The following WDR26 variants were observed in gnomAD, a reference collection of about 807,000 sequenced individuals.
WDR26 encodes the protein WD repeat domain 26.
WDR26 carries 5 observed loss-of-function variants against 84.1 expected under a neutral mutation model. The ratio of observed to expected loss-of-function variants is 0.06; its 90% CI spans 0.03 to 0.13. The LOEUF (loss-of-function observed/expected upper bound fraction) is 0.13. Among genes scored for constraint, WDR26 ranks in the 10% least tolerant of loss-of-function variants. WDR26 has a pLI of 1.00. For missense variants in WDR26, 642 were observed against 974.9 expected, an observed-to-expected ratio of 0.66 and a Z score of 4.55; for synonymous variants, 415 against 389.6, an observed-to-expected ratio of 1.07 and a Z score of -0.77.
At chr1:224,419,485 A>T in intron 5 of WDR26, 33 bp downstream of exon 5, 1 of 1,511,650 alleles carries the variant, frequency 6.6e-7, no homozygotes, top group Non-Finnish European at 9.2e-7. Context: ...ATCTAAGAGA[A>T]AACACAGCAA....
chr1:224,389,504 G>T lies in WDR26; in HGVS notation c.*331C>A. ...ACTTCATTACACAGAAGAGCAACAA[G>T]AATGGTATCCTGCCAGACAAAAGAC... On this transcript the variant is annotated 3_prime_UTR_variant, in exon 14 of 14. Transcript: ENST00000414423. The T allele has an allele frequency of 5.9e-6, 3 of 505,858 alleles. No homozygotes were observed. In the South Asian group the frequency reaches 1.0e-4, roughly 17 times the overall value. The allele number at this position is 505,858 out of a possible 1,614,324, so 31.3% of individuals were successfully genotyped here.
chr1:224,409,867 A>G (rs1673685401), intron 7 of WDR26, among the ~76,000 whole-genome samples: 1 of 151,070 alleles, frequency 6.6e-6, no homozygotes, highest in South Asian at 2.1e-4. Flanking sequence ...TGTCTCAGAG[A>G]AAAAAAAAGA....
At chr1:224,427,771 T>C (rs1484109492) in intron 3 of WDR26, among the ~76,000 whole-genome samples, 1 of 152,162 alleles carries the variant, frequency 6.6e-6, no homozygotes, top group Non-Finnish European at 1.5e-5. Context: ...TAAAACTGTA[T>C]TTTACCTCCC....
rs1673312183 is a variant in WDR26 at position 224,398,078 on chromosome 1, T to C, written c.2074+19A>G. On this transcript the variant is annotated intron_variant, in intron 12 of 13. Transcript: ENST00000414423. ...GACTTTAATATCAACATATGTAAAC[T>C]GATAAGGACACAATTTACCTTCACT... The C allele has an allele frequency of 1.2e-6, 2 of 1,609,012 alleles. No homozygotes were observed. The highest frequency in any genetic ancestry group is 1.3e-5 in the African/African-American group (1 of 74,646).
In WDR26 at chr1:224,434,361, G is replaced by C; in HGVS notation, c.45C>G (p.Ser15=). Residue 15 remains serine (S), a synonymous_variant, in exon 1 of 14, where the codon TCC becomes TCG. Coordinates refer to ENST00000414423, the MANE Select transcript of WDR26 (RefSeq NM_001379403.1). ...AGGCTCCGCCGGTGTCCGAGTCGGA[G>C]GAGGAGGAAGCGGAGGCCAGAGTTT... 1 of 1,221,744 alleles carries C rather than the reference G, an allele frequency of 8.2e-7. No individual in the cohort carries two copies. Among genetic ancestry groups the C allele is most frequent in the Non-Finnish European group, 1.0e-6 (1 of 982,066 alleles). The allele number at this position is 1,221,744 out of a possible 1,614,324, so 75.7% of individuals were successfully genotyped here.
chr1:224,400,790 C>A (rs1417349214), intron 9 of WDR26, among the ~76,000 whole-genome samples, 160 bp downstream of exon 9: 1 of 152,218 alleles, frequency 6.6e-6, no homozygotes. Context: ...AGGTGATCCA[C>A]CTGCCTCGGC....
At chr1:224,421,260 C>T (rs1025508659) in intron 4 of WDR26, among the ~76,000 whole-genome samples, 1 of 152,086 alleles carries the variant, frequency 6.6e-6, no homozygotes, top group Non-Finnish European at 1.5e-5. Flanking sequence ...GGAAAAAAAT[C>T]ATCATGTGAA....
intron 2 of WDR26, 21 bp from the exon 3 acceptor site, chr1:224,431,602 G>C (rs773538658): frequency 1.9e-6 from 3 of 1,611,556 alleles, no homozygotes; most frequent in Non-Finnish European, 2.5e-6. Flanking sequence ...TGGTATAAAA[G>C]AAAAACAGAA....
In WDR26 at chr1:224,411,351, TA is replaced by T. The variant is rs1429692845; in HGVS notation, c.1458+75del. The T allele has an allele frequency of 3.4e-6, 5 of 1,457,602 alleles. No homozygotes were observed. The Admixed American group carries it at 7.1e-5, about 21-fold the overall frequency. 90.3% of individuals were successfully genotyped at this position (1,457,602 alleles called of 1,614,324 possible). ...AGAATACTATTGATACATATATACT[TA>T]AAAATATGTAATCAATGAATTAGAT... On this transcript the variant is annotated intron_variant, in intron 7 of 13. Transcript: ENST00000414423.
intron 11 of WDR26, 74 bp downstream of exon 11, chr1:224,398,441 T>C (rs1673320638): frequency 7.3e-7 from 1 of 1,377,744 alleles, no homozygotes; most frequent in Non-Finnish European, 9.9e-7. Context: ...TTAATATAAA[T>C]ACACTGAAAA....
intron 10 of WDR26, 126 bp from the exon 11 acceptor site, chr1:224,398,719 T>C: frequency 1.7e-6 from 2 of 1,174,512 alleles, no homozygotes; most frequent in Non-Finnish European, 2.4e-6. Flanking sequence ...CATACTATAC[T>C]TCAATTGAGA....
At position 224,419,504 on chromosome 1, in the gene WDR26, A is replaced by G. The variant is rs1028489315; in HGVS notation, c.1162+14T>C. 2 of 1,599,986 alleles carry G rather than the reference A, an allele frequency of 1.3e-6. No individual in the cohort carries two copies. The highest frequency in any genetic ancestry group is 1.7e-6 in the Non-Finnish European group (2 of 1,167,368). On this transcript the variant is annotated intron_variant, in intron 5 of 13. Coordinates refer to ENST00000414423, the MANE Select transcript of WDR26 (RefSeq NM_001379403.1). Reference sequence around the variant, plus strand: ...AAGAGAAAACACAGCAACATAAAAAATTAAGACTCTTACTCTGAAGTTTAT... The same window carrying G: ...AAGAGAAAACACAGCAACATAAAAAGTTAAGACTCTTACTCTGAAGTTTAT...
rs1168768172 is a variant in WDR26, at chr1:224,385,785, T to C, written c.*4050A>G. 1 of 152,638 alleles carries C rather than the reference T, an allele frequency of 6.6e-6. No homozygotes were observed. Among genetic ancestry groups the C allele is most frequent in the Non-Finnish European group, 1.5e-5 (1 of 68,026 alleles). 9.5% of individuals were successfully genotyped at this position (152,638 alleles called of 1,614,324 possible). The stretch of plus-strand genomic sequence containing the variant: ...CAATTCAGTTCTAGCACATTGACCC[T>C]GATAATGAAAATGTTTAAGTTAAAG... On this transcript the variant is annotated 3_prime_UTR_variant, in exon 14 of 14. Coordinates refer to ENST00000414423, the MANE Select transcript of WDR26 (RefSeq NM_001379403.1).
At chr1:224,403,350 ACAAATG>A (rs1673467483) in intron 8 of WDR26, among the ~76,000 whole-genome samples, 1 of 151,814 alleles carries the variant, frequency 6.6e-6, no homozygotes, top group Admixed American at 6.6e-5. Context: ...GCGCCCGGCC[ACAAATG>A]CATGTTTCTA....
chr1:224,390,857 A>C (rs1220712761), intron 13 of WDR26, among the ~76,000 whole-genome samples: 2 of 152,194 alleles, frequency 1.3e-5, no homozygotes, highest in Non-Finnish European at 2.9e-5. Context: ...AATCATTAAC[A>C]ATCAATTTTA....
intron 6 of WDR26, among the ~76,000 whole-genome samples, chr1:224,415,449 C>CTTTTTTT (rs1673867572): frequency 1.9e-5 from 2 of 102,718 alleles, no homozygotes; most frequent in African/African-American, 8.8e-5. Flanking sequence ...ACACGTATTT[C>CTTTTTTT]TTTCTTTTTT....
chr1:224,416,121 A>C (rs1230181882), intron 6 of WDR26, among the ~76,000 whole-genome samples: 1 of 152,208 alleles, frequency 6.6e-6, no homozygotes, highest in Non-Finnish European at 1.5e-5. Flanking sequence ...AGGAGCATAG[A>C]GTGAAGGTTT....
In WDR26 at chr1:224,434,745, C is replaced by CCGCTCCGCT; in HGVS notation, c.-349_-341dup. Reference sequence around the variant, plus strand: ...GCAGCTGCCGCCTCTGTCCTCGGATCCGCTCCGCTCTGCTCCCTGGTGTGT... The same window carrying CCGCTCCGCT: ...GCAGCTGCCGCCTCTGTCCTCGGATCCGCTCCGCTCGCTCCGCTCTGCTCCCTGGTGTGT... On this transcript the variant is annotated 5_prime_UTR_variant, in exon 1 of 14. Transcript: ENST00000414423. 3.0e-6 allele frequency: 3 copies of CCGCTCCGCT among 986,992 alleles called. No individual in the cohort carries two copies. Among genetic ancestry groups the CCGCTCCGCT allele is most frequent in the Non-Finnish European group, 3.6e-6 (3 of 831,024 alleles). 61.1% of individuals were successfully genotyped at this position (986,992 alleles called of 1,614,324 possible). A position where few individuals can be genotyped will look rare whatever the true frequency, so the allele number is the denominator to read the frequency against.
rs1434231039 is a variant in WDR26 at position 224,389,846 on chromosome 1, T to A, written c.2275A>T (p.Met759Leu). The A allele has an allele frequency of 1.4e-6, 2 of 1,437,198 alleles. No homozygotes were observed. 89.0% of individuals were successfully genotyped at this position (1,437,198 alleles called of 1,614,324 possible). The change falls in exon 14 of 14, where the codon ATG becomes TTG. Residue 759 changes from methionine to leucine, a missense_variant. By Grantham distance (15) the Met-to-Leu change is conservative. Around this residue, in one of 2 missense-constraint regions of WDR26, gnomAD observed 351 missense variants for 672.8 expected, o/e 0.52. Transcript: ENST00000414423. The stretch of plus-strand genomic sequence containing the variant: ...CTCCAAATTCACCATCAACTATCCA[T>A]GCTACTGCATTCCTCTGAATGAAGA...
Sources: allele counts gnomAD v4.1 joint callset (sites outside exome capture counted in the v4.1 genomes callset), GRCh38; gene constraint gnomAD v4.1.1; regional missense constraint gnomAD v4.1.1; transcripts MANE v1.5; gene names NCBI Gene and HGNC (gene_info 2026-07-23, HGNC 2026-07-21).